Variants in STAU2 observed in about 807,000 individuals in gnomAD.
The protein encoded by STAU2 is double-stranded RNA-binding protein Staufen homolog 2.
Under a neutral mutation model 65.9 loss-of-function variants are expected in STAU2, and 20 were observed. The ratio of observed to expected loss-of-function variants is 0.30; its 90% CI spans 0.21 to 0.44. STAU2 has a LOEUF of 0.44. Ranked by LOEUF, STAU2 falls within the 20% of genes least tolerant of loss-of-function variation. The probability of loss-of-function intolerance (pLI) is 1.00; values close to 1 mark genes in which losing one functional copy is unlikely to be tolerated. For missense variants in STAU2, 558 were observed against 683.9 expected, an observed-to-expected ratio of 0.82 and a Z score of 2.05; for synonymous variants, 232 against 233.9, an observed-to-expected ratio of 0.99 and a Z score of 0.07.
rs981164189 is a variant in STAU2, at chr8:73,688,597, A to G, written c.274+57T>C. ...GTTACTAGCCTACTATAAATGAAAC[A>G]TACAACAAGCAGAACACACATAGCA... is the stretch of plus-strand genomic sequence containing the variant. On this transcript the variant is annotated intron_variant, in intron 5 of 14. Transcript: ENST00000524300. 4 of 1,601,238 alleles carry G rather than the reference A, an allele frequency of 2.5e-6. No individual in the cohort carries two copies. The African/African-American group carries it at 5.4e-5, about 21-fold the overall frequency.
Position 73,552,168 on chromosome 8 carries a change from C to T in STAU2, c.1374G>A (p.Ser458=), listed in dbSNP as rs767183340. 3.7e-6 allele frequency: 6 copies of T among 1,613,732 alleles called. No homozygotes were observed. The highest frequency in any genetic ancestry group is 1.7e-5 in the Admixed American group (1 of 59,974). ...CCCTGGCAATTGTAGCTGAACTATTCGATGTGGGAGATATACTGAAGAAAG... is the reference window on the plus strand; with the variant it reads ...CCCTGGCAATTGTAGCTGAACTATTTGATGTGGGAGATATACTGAAGAAAG... ...SSSFFSISPT[S]NSSATIAREL... Residue 458 remains serine, a synonymous_variant, in exon 13 of 15, where the codon TCG becomes TCA. Transcript: ENST00000524300.
intron 4 of STAU2, among the ~76,000 whole-genome samples, chr8:73,703,939 T>A (rs1318721293): frequency 6.6e-6 from 1 of 152,228 alleles, no homozygotes; most frequent in Admixed American, 6.5e-5. Context: ...AGAAGTCAGT[T>A]TGCATTGCTT....
intron 13 of STAU2, among the ~76,000 whole-genome samples, chr8:73,437,045 T>C (rs1465277546): frequency 1.3e-5 from 2 of 152,206 alleles, no homozygotes; most frequent in Admixed American, 1.3e-4. Flanking sequence ...TCCTTGATAG[T>C]CTCAACAATG....
At chr8:73,544,688 A>C (rs572227595) in intron 13 of STAU2, among the ~76,000 whole-genome samples, 7 of 152,266 alleles carry the variant, frequency 4.6e-5, no homozygotes, top group African/African-American at 1.4e-4. Flanking sequence ...TTCCATTCAC[A>C]ATTCTTGACA....
At chr8:73,497,218 TC>T (rs1230849579) in intron 13 of STAU2, among the ~76,000 whole-genome samples, 1 of 151,718 alleles carries the variant, frequency 6.6e-6, no homozygotes, top group Non-Finnish European at 1.5e-5. Flanking sequence ...AATTGCCAAG[TC>T]CCCATTTCAC....
At chr8:73,726,127 C>T (rs1051427450) in intron 3 of STAU2, among the ~76,000 whole-genome samples, 11 of 151,716 alleles carry the variant, frequency 7.3e-5, no homozygotes, top group South Asian at 6.2e-4. Context: ...TAATGTCATT[C>T]GCAGCAACCT....
At chr8:73,425,795 TTC>T (rs1491493978) in intron 13 of STAU2, among the ~76,000 whole-genome samples, 5 of 152,206 alleles carry the variant, frequency 3.3e-5, no homozygotes, top group Admixed American at 6.5e-5. Context: ...CTTGTTTTTT[TTC>T]TCTCTTTTTT....
chr8:73,502,059 G>A (rs1427042365), intron 13 of STAU2, among the ~76,000 whole-genome samples: 1 of 151,834 alleles, frequency 6.6e-6, no homozygotes, highest in Admixed American at 6.6e-5. Flanking sequence ...CTAATTTGTG[G>A]AAAACATTTT....
Position 73,435,626 on chromosome 8 carries a change from T to G in STAU2, c.1531-12924A>C, listed in dbSNP as rs1817628247. 2.0e-5 allele frequency among the ~76,000 whole-genome samples: 3 copies of G among 151,954 alleles called. No homozygotes were observed. The South Asian group carries it at 6.2e-4, about 31-fold the overall frequency. On this transcript the variant is annotated intron_variant, in intron 13 of 14. Coordinates refer to ENST00000524300, the MANE Select transcript of STAU2 (RefSeq NM_001164380.2). ...AAGCAGGACTGGGTTGTATCTATCT[T>G]GTCCGAGAGAAATGTTCCTGCCCCA...
At chr8:73,706,801 A>T (rs1168365028) in intron 4 of STAU2, among the ~76,000 whole-genome samples, 1 of 152,220 alleles carries the variant, frequency 6.6e-6, no homozygotes. Context: ...AAATAAGAAG[A>T]GACCCACTGT....
At chr8:73,733,084 G>A (rs189954892) in intron 3 of STAU2, among the ~76,000 whole-genome samples, 2 of 150,398 alleles carry the variant, frequency 1.3e-5, no homozygotes, top group African/African-American at 4.9e-5. Context: ...TGCCCTACAC[G>A]GTTCTGCTAC....
intron 1 of STAU2, among the ~76,000 whole-genome samples, chr8:73,745,901 G>A (rs969810283): frequency 6.6e-6 from 1 of 151,850 alleles, no homozygotes; most frequent in Non-Finnish European, 1.5e-5. Flanking sequence ...CCAGAGTGGC[G>A]TGCTTCTCAA....
intron 13 of STAU2, among the ~76,000 whole-genome samples, chr8:73,548,980 A>T (rs1807132719): frequency 6.6e-6 from 1 of 152,252 alleles, no homozygotes; most frequent in Admixed American, 6.5e-5. Context: ...AACTTAAAAT[A>T]ATGCAAAGTA....
chr8:73,577,969 T>C (rs988650671), intron 12 of STAU2, among the ~76,000 whole-genome samples: 5 of 152,196 alleles, frequency 3.3e-5, no homozygotes, highest in Admixed American at 6.5e-5. Context: ...TATACTGTCA[T>C]TTGCCTTTTT....
intron 12 of STAU2, among the ~76,000 whole-genome samples, chr8:73,565,706 CT>C (rs1415668060): frequency 6.6e-6 from 1 of 152,130 alleles, no homozygotes; most frequent in East Asian, 1.9e-4. Context: ...AAACAATTAT[CT>C]TGTTTTTATT....
chr8:73,622,802 CA>C (rs1321593579), intron 6 of STAU2, among the ~76,000 whole-genome samples: 1 of 152,146 alleles, frequency 6.6e-6, no homozygotes, highest in Non-Finnish European at 1.5e-5. Context: ...CAAATAGACA[CA>C]AGTGCATGAC....
intron 12 of STAU2, among the ~76,000 whole-genome samples, chr8:73,577,028 T>C (rs1050799541): frequency 2.6e-5 from 4 of 152,218 alleles, no homozygotes; most frequent in Admixed American, 1.3e-4. Flanking sequence ...ATTTCAGAAA[T>C]TGAAATTTCA....
At chr8:73,734,498 A>ATATGTTATG (rs1806290920) in intron 3 of STAU2, among the ~76,000 whole-genome samples, 2 of 152,280 alleles carry the variant, frequency 1.3e-5, no homozygotes, top group African/African-American at 2.4e-5. Flanking sequence ...ATCTGTTATG[A>ATATGTTATG]ATAAAAAACC....
chr8:73,628,921 C>G (rs1282385644), intron 6 of STAU2, among the ~76,000 whole-genome samples: 1 of 152,234 alleles, frequency 6.6e-6, no homozygotes, highest in Non-Finnish European at 1.5e-5. Flanking sequence ...AATTAACTAT[C>G]AACTTTGGAT....
Sources: gnomAD v4.1 joint callset for allele counts (sites outside exome capture counted in the v4.1 genomes callset) on GRCh38, gnomAD v4.1.1 for gene constraint, MANE v1.5 for transcripts, NCBI Gene and HGNC (gene_info 2026-07-23, HGNC 2026-07-21) for gene names.